Variants in SMAP2 observed in about 807,000 individuals in gnomAD.
The protein encoded by SMAP2 is stromal membrane-associated protein 2.
SMAP2 carries 25 observed loss-of-function variants against 56.4 expected under a neutral mutation model. The observed-to-expected ratio is 0.44, with a 90% CI of 0.32 to 0.62. SMAP2 has a LOEUF of 0.62. SMAP2 is among the 20% of genes least tolerant of loss of function. The pLI is 0.04. For missense variants in SMAP2, 388 were observed against 545.6 expected (o/e 0.71, Z 2.88); for synonymous variants, 157 against 181.7 (o/e 0.86, Z 1.09).
chr1:40,352,824 G>T (rs535565173), intron 1 of SMAP2, among the ~76,000 whole-genome samples: 1 of 152,188 alleles, frequency 6.6e-6, no homozygotes, highest in African/African-American at 2.4e-5. Context: ...CACCACACGC[G>T]GCGCCTCCTC....
chr1:40,396,740 T>C (rs1644775592), intron 1 of SMAP2: 2 of 616,192 alleles, frequency 3.2e-6, no homozygotes, highest in Non-Finnish European at 4.1e-6. Flanking sequence ...ATAAGGAACT[T>C]GATGAACTCT....
chr1:40,352,323 T>A (rs1644412197), intron 1 of SMAP2, among the ~76,000 whole-genome samples: 1 of 152,080 alleles, frequency 6.6e-6, no homozygotes, highest in African/African-American at 2.4e-5. Context: ...CAGCTTCTCC[T>A]AATGCTTGCC....
At chr1:40,375,911 T>A in intron 1 of SMAP2, 1 of 255,568 alleles carries the variant, frequency 3.9e-6, no homozygotes, top group Non-Finnish European at 6.1e-6. Context: ...GCTGATTCAC[T>A]ACTTCTTCCT....
chr1:40,357,669 T>G (rs936561817), intron 1 of SMAP2, among the ~76,000 whole-genome samples: 8 of 152,178 alleles, frequency 5.3e-5, no homozygotes, highest in African/African-American at 1.9e-4. Context: ...CTAGCACCAT[T>G]TATTGAAGAG....
At chr1:40,407,862 G>T (rs1644900187) in intron 2 of SMAP2, among the ~76,000 whole-genome samples, 1 of 152,174 alleles carries the variant, frequency 6.6e-6, no homozygotes, top group Non-Finnish European at 1.5e-5. Context: ...TGGGCTTGGA[G>T]TGAGACTCCT....
At chr1:40,388,500 C>G (rs555536276) in intron 1 of SMAP2, among the ~76,000 whole-genome samples, 5 of 152,116 alleles carry the variant, frequency 3.3e-5, no homozygotes, top group African/African-American at 1.2e-4. Context: ...CTTGGAGAAC[C>G]TTTGTGTGGA....
rs1379669084 is a variant in SMAP2, at chr1:40,386,115, A to G, written c.103+11892A>G. ...CCTTATAACTGACACAAACCCTGAG[A>G]AGAGAAACAGGAAGGAAACTCCCTG... On this transcript the variant is annotated intron_variant, in intron 1 of 9. Coordinates refer to ENST00000372718, the MANE Select transcript of SMAP2 (RefSeq NM_022733.3). This position sits in a 1 kb window ranked among gnomAD's most constrained non-coding sequence, Gnocchi z 4.1. Among the ~76,000 whole-genome samples, 3 of 152,184 alleles carry G rather than the reference A, an allele frequency of 2.0e-5. No individual in the cohort carries two copies. The highest frequency in any genetic ancestry group is 4.4e-5 in the Non-Finnish European group (3 of 68,044).
upstream of SMAP2, among the ~76,000 whole-genome samples, chr1:40,371,380 A>T (rs947047728): frequency 2.6e-5 from 4 of 152,188 alleles, no homozygotes; most frequent in African/African-American, 9.7e-5. Flanking sequence ...ATTAGTAATG[A>T]TAATAAAAAG....
At chr1:40,405,999 G>A (rs933431506) in intron 1 of SMAP2, among the ~76,000 whole-genome samples, 2 of 152,142 alleles carry the variant, frequency 1.3e-5, no homozygotes, top group South Asian at 2.1e-4. Flanking sequence ...AAGTTAATGC[G>A]AATGCATATT....
intron 1 of SMAP2, among the ~76,000 whole-genome samples, chr1:40,388,327 G>C (rs1427638229): frequency 1.3e-5 from 2 of 152,252 alleles, no homozygotes; most frequent in Non-Finnish European, 2.9e-5. Flanking sequence ...AGTCTGGTGG[G>C]GCCTTGGAGA....
intron 1 of SMAP2, among the ~76,000 whole-genome samples, chr1:40,378,981 CTTT>C (rs11353360): frequency 1.3e-4 from 17 of 134,948 alleles, no homozygotes; most frequent in East Asian, 2.3e-4. Context: ...CTTTTCTTTT[CTTT>C]TTTTTTTTTT....
chr1:40,411,754 T>A (rs192187318), intron 4 of SMAP2, among the ~76,000 whole-genome samples: 10 of 152,334 alleles, frequency 6.6e-5, no homozygotes, highest in African/African-American at 2.4e-4. Flanking sequence ...CATTTTTAAC[T>A]TAAATGAAAT....
At chr1:40,383,722 C>T (rs1411125989) in intron 1 of SMAP2, among the ~76,000 whole-genome samples, 1 of 152,244 alleles carries the variant, frequency 6.6e-6, no homozygotes, top group Middle Eastern at 3.4e-3. Context: ...AGCAACTTAT[C>T]GTTTGGTTAC....
Position 40,350,001 on chromosome 1 carries a change from G to C in SMAP2, c.-83+5091G>C, listed in dbSNP as rs76582610. Among the ~76,000 whole-genome samples the C allele has an allele frequency of 7.2e-4, 109 of 152,276 alleles. 1 individual carries two copies. The East Asian group carries it at 0.018, about 25-fold the overall frequency. ...TTTCCACAGAGTCAAGGTTGGCTAGGGAGACAGTACTCCCAGGCCTCCCGG... is the reference window on the plus strand; with the variant it reads ...TTTCCACAGAGTCAAGGTTGGCTAGCGAGACAGTACTCCCAGGCCTCCCGG... On this transcript the variant is annotated intron_variant, in intron 1 of 6. Coordinates refer to the SMAP2 transcript ENST00000435168.
chr1:40,416,734 A>T, intron 8 of SMAP2, 46 bp from the exon 9 acceptor site: 1 of 1,553,638 alleles, frequency 6.4e-7, no homozygotes, highest in Non-Finnish European at 8.8e-7. Context: ...GGCTGACTTT[A>T]TGTTTTTCCC....
chr1:40,347,790 A>G (rs1298655442), intron 1 of SMAP2, among the ~76,000 whole-genome samples: 1 of 152,228 alleles, frequency 6.6e-6, no homozygotes, highest in Non-Finnish European at 1.5e-5. Context: ...TTTGTGGTAC[A>G]TATTCTTCCA....
intron 5 of SMAP2, 77 bp downstream of exon 5, chr1:40,413,179 C>T (rs191287090): frequency 1.7e-5 from 18 of 1,075,694 alleles, no homozygotes; most frequent in Middle Eastern, 4.0e-4. Context: ...TAGGAGGTCT[C>T]GTGGTGAGTA....
In SMAP2 at chr1:40,412,908, A is replaced by G. The variant is rs1644951288; in HGVS notation, c.403-108A>G. 6.4e-6 allele frequency: 5 copies of G among 782,370 alleles called. No homozygotes were observed. In the South Asian group the frequency reaches 9.1e-5, roughly 14 times the overall value. The allele number at this position is 782,370 out of a possible 1,614,324, so 48.5% of individuals were successfully genotyped here. On this transcript the variant is annotated intron_variant, in intron 4 of 9. Coordinates refer to ENST00000372718, the MANE Select transcript of SMAP2 (RefSeq NM_022733.3). Reference sequence around the variant, plus strand: ...CCCAAGCTTGTCAGACACTTACGTCAGAATCAATAGGGATTGGAGGTGTCC... The same window carrying G: ...CCCAAGCTTGTCAGACACTTACGTCGGAATCAATAGGGATTGGAGGTGTCC...
chr1:40,389,319 TG>T (rs1423787650), intron 1 of SMAP2, among the ~76,000 whole-genome samples: 5 of 143,714 alleles, frequency 3.5e-5, no homozygotes, highest in African/African-American at 1.0e-4. Context: ...ATTTTTTTTT[TG>T]AAGAAGGGCC....
Sources: allele counts gnomAD v4.1 joint callset (sites outside exome capture counted in the v4.1 genomes callset), GRCh38; gene constraint gnomAD v4.1.1; non-coding constraint Gnocchi (gnomAD v3.1); transcripts MANE v1.5; gene names NCBI Gene and HGNC (gene_info 2026-07-23, HGNC 2026-07-21).